The following THEMIS variants were observed in gnomAD, a reference collection of about 807,000 sequenced individuals.
The protein encoded by THEMIS is thymocyte selection associated.
THEMIS carries 37 observed loss-of-function variants against 52.6 expected under a neutral mutation model. The observed-to-expected ratio is 0.70, with a 90% CI of 0.54 to 0.93. The LOEUF is 0.93. THEMIS is among the 40% of genes least tolerant of loss of function. THEMIS has a pLI of 0.00. For synonymous variants in THEMIS, 292 were observed against 272.7 expected, an observed-to-expected ratio of 1.07 and a Z score of -0.70; for missense variants, 808 against 763.1, an observed-to-expected ratio of 1.06 and a Z score of -0.69.
At chr6:127,825,491 T>C (rs1238152545) in intron 3 of THEMIS, among the ~76,000 whole-genome samples, 1 of 152,198 alleles carries the variant, frequency 6.6e-6, no homozygotes, top group Non-Finnish European at 1.5e-5. Flanking sequence ...TATATGTGTA[T>C]AGAATATTTT....
chr6:127,723,245 A>G (rs180683354), intron 4 of THEMIS, among the ~76,000 whole-genome samples: 10 of 152,130 alleles, frequency 6.6e-5, no homozygotes, highest in Admixed American at 6.5e-4. Context: ...ATTGCTGCTC[A>G]GAAACTTCAA....
chr6:127,798,564 G>A (rs1406360593), intron 4 of THEMIS, among the ~76,000 whole-genome samples: 4 of 152,166 alleles, frequency 2.6e-5, no homozygotes, highest in African/African-American at 7.2e-5. Context: ...CTGAGCTTCA[G>A]TGTTCATGTC....
At chr6:127,728,772 GA>G (rs1424660917) in intron 4 of THEMIS, among the ~76,000 whole-genome samples, 1 of 152,030 alleles carries the variant, frequency 6.6e-6, no homozygotes. Context: ...AATACATCAG[GA>G]AAATACATAG....
chr6:127,709,865 C>A lies in THEMIS; in HGVS notation c.*120G>T. The A allele has an allele frequency of 2.5e-6, 2 of 809,652 alleles. No individual in the cohort carries two copies. The highest frequency in any genetic ancestry group is 3.3e-5 in the South Asian group (2 of 60,968). 50.2% of individuals were successfully genotyped at this position (809,652 alleles called of 1,614,324 possible). ...TTTAAGGTTGTTCTTTCCTTTGCAG[C>A]GATGAATCAAGTTTCTTCTGGAGTC... On this transcript the variant is annotated 3_prime_UTR_variant, in exon 6 of 6. Transcript: ENST00000368248.
chr6:127,912,426 A>C (rs755554003), intron 1 of THEMIS, among the ~76,000 whole-genome samples: 10 of 152,184 alleles, frequency 6.6e-5, no homozygotes, highest in Non-Finnish European at 1.3e-4. Flanking sequence ...TCTTGCTTCT[A>C]ACCTCCAAGC....
At chr6:127,728,684 C>T (rs1185004082) in intron 4 of THEMIS, among the ~76,000 whole-genome samples, 1 of 152,094 alleles carries the variant, frequency 6.6e-6, no homozygotes, top group Non-Finnish European at 1.5e-5. Flanking sequence ...AAAGAATTCC[C>T]TGCCCTCCTT....
intron 1 of THEMIS, among the ~76,000 whole-genome samples, chr6:127,883,264 G>A (rs1358929058): frequency 6.6e-6 from 1 of 151,794 alleles, no homozygotes; most frequent in Non-Finnish European, 1.5e-5. Context: ...GTAGAGCAGA[G>A]CAATAATAAA....
intron 1 of THEMIS, among the ~76,000 whole-genome samples, chr6:127,861,729 A>G (rs1331806399): frequency 3.4e-5 from 5 of 146,348 alleles, no homozygotes; most frequent in Non-Finnish European, 4.5e-5. Context: ...GGTTGCAGTG[A>G]GCTGAGATTG....
chr6:127,760,804 A>G lies in THEMIS; in HGVS notation c.1759-40981T>C, dbSNP rs886765471. 1.2e-4 allele frequency among the ~76,000 whole-genome samples: 19 copies of G among 152,096 alleles called. 1 individual carries two copies. Among genetic ancestry groups the G allele is most frequent in the Admixed American group, 1.1e-3 (17 of 15,244 alleles). ...AAAAGAGAGGGAGAAAAAAAAGAAA[A>G]TTCTTCTAGACATAAATGTAAGAAC... On this transcript the variant is annotated intron_variant, in intron 4 of 5. Coordinates refer to ENST00000368248, the MANE Select transcript of THEMIS (RefSeq NM_001010923.3).
chr6:127,896,778 A>C lies in THEMIS; in HGVS notation c.91+4064T>G, dbSNP rs533455797. On this transcript the variant is annotated intron_variant, in intron 1 of 5. Coordinates refer to ENST00000368248, the MANE Select transcript of THEMIS (RefSeq NM_001010923.3). Reference sequence around the variant, plus strand: ...GTGATGCCTTACCTTTTACATAATTAAATCTTTACCTCTTGAGGAGAAACC... The same window carrying C: ...GTGATGCCTTACCTTTTACATAATTCAATCTTTACCTCTTGAGGAGAAACC... Among the ~76,000 whole-genome samples the C allele has an allele frequency of 2.0e-5, 3 of 151,730 alleles. No homozygotes were observed. In the East Asian group the frequency reaches 5.8e-4, roughly 29 times the overall value.
upstream of THEMIS, among the ~76,000 whole-genome samples, chr6:127,905,991 GAAATAATTTAAATGTAATTTAAATT>G (rs1292936428): frequency 4.1e-5 from 6 of 145,436 alleles, no homozygotes; most frequent in Non-Finnish European, 5.9e-5. Context: ...GTAATTAAAT[GAAATAATTTAAATGTAATTTAAATT>G]AAATAATTTA....
intron 4 of THEMIS, among the ~76,000 whole-genome samples, chr6:127,742,721 A>C (rs1379409591): frequency 6.6e-6 from 1 of 152,156 alleles, no homozygotes; most frequent in African/African-American, 2.4e-5. Context: ...AGAGTAGTCA[A>C]ATTCATAGAG....
chr6:127,731,997 T>G (rs2114528238), intron 4 of THEMIS, among the ~76,000 whole-genome samples: 1 of 148,602 alleles, frequency 6.7e-6, no homozygotes, highest in African/African-American at 2.5e-5. Context: ...TGAGCCACCT[T>G]GCCTGGCCAT....
At chr6:127,880,702 C>CA (rs1243027023) in intron 1 of THEMIS, among the ~76,000 whole-genome samples, 2 of 151,656 alleles carry the variant, frequency 1.3e-5, no homozygotes, top group African/African-American at 2.4e-5. Context: ...CTAATGTAGA[C>CA]AAAAAACCTC....
chr6:127,753,971 G>A (rs1158129521), intron 4 of THEMIS, among the ~76,000 whole-genome samples: 3 of 152,026 alleles, frequency 2.0e-5, no homozygotes, highest in African/African-American at 7.2e-5. Context: ...TTTGGGAAGT[G>A]ACAAATATAT....
intron 4 of THEMIS, among the ~76,000 whole-genome samples, chr6:127,771,815 T>A (rs1292334029): frequency 2.6e-5 from 4 of 152,158 alleles, no homozygotes; most frequent in African/African-American, 9.7e-5. Flanking sequence ...AAAGTTATTA[T>A]ATGAATAGCC....
intron 2 of THEMIS, among the ~76,000 whole-genome samples, chr6:127,843,815 T>G (rs907669585): frequency 4.6e-5 from 7 of 151,872 alleles, no homozygotes; most frequent in Non-Finnish European, 8.8e-5. Context: ...GACCACTAAG[T>G]CAGTGAGAAC....
chr6:127,902,764 C>T (rs1208752621), upstream of THEMIS, among the ~76,000 whole-genome samples: 1 of 152,046 alleles, frequency 6.6e-6, no homozygotes, highest in African/African-American at 2.4e-5. Flanking sequence ...CCCCTCCCCA[C>T]AGTTTACAGC....
intron 1 of THEMIS, among the ~76,000 whole-genome samples, chr6:127,858,713 C>T (rs1583362046): frequency 1.3e-5 from 2 of 151,992 alleles, no homozygotes; most frequent in South Asian, 4.2e-4. Flanking sequence ...ATTAAAATGG[C>T]TTTCATTTCA....
Sources: gnomAD v4.1 joint callset for allele counts (sites outside exome capture counted in the v4.1 genomes callset) on GRCh38, gnomAD v4.1.1 for gene constraint, MANE v1.5 for transcripts, NCBI Gene and HGNC (gene_info 2026-07-23, HGNC 2026-07-21) for gene names.